SPAG16: variants seen among roughly 807,000 people sequenced by gnomAD.
SPAG16 encodes sperm associated antigen 16, also known as sperm-associated antigen 16 protein.
SPAG16 carries 86 observed loss-of-function variants against 80.4 expected under a neutral mutation model. The observed-to-expected ratio is 1.07, with a 90% CI of 0.90 to 1.28. The LOEUF (loss-of-function observed/expected upper bound fraction) is 1.28. Ranked by LOEUF, SPAG16 falls within the 50% of genes most tolerant of loss-of-function variation. The pLI is 0.00. For synonymous variants in SPAG16, 294 were observed against 265.9 expected (o/e 1.11, Z -1.03); for missense variants, 870 against 765.3 (o/e 1.14, Z -1.61).
intron 10 of SPAG16, among the ~76,000 whole-genome samples, chr2:213,576,908 G>A (rs1390026787): frequency 6.6e-6 from 1 of 152,002 alleles, no homozygotes; most frequent in African/African-American, 2.4e-5. Context: ...TTAATACGTG[G>A]GTGGCAAAAT....
intron 15 of SPAG16, among the ~76,000 whole-genome samples, chr2:214,342,877 A>G (rs1163496739): frequency 6.6e-6 from 1 of 152,188 alleles, no homozygotes; most frequent in Non-Finnish European, 1.5e-5. Context: ...ATTATCCATT[A>G]TTAGACTGAA....
At chr2:213,352,310 G>T (rs992512576) in intron 7 of SPAG16, among the ~76,000 whole-genome samples, 1 of 152,000 alleles carries the variant, frequency 6.6e-6, no homozygotes, top group Non-Finnish European at 1.5e-5. Context: ...CAAACCTTCA[G>T]AATTTCATAC....
intron 9 of SPAG16, among the ~76,000 whole-genome samples, chr2:213,407,970 A>G (rs2068748301): frequency 7.7e-6 from 1 of 130,398 alleles, no homozygotes; most frequent in Non-Finnish European, 1.8e-5. Context: ...GCAGAGAGAG[A>G]GACAGGAGAG....
At chr2:214,142,401 T>C (rs973331101) in intron 14 of SPAG16, among the ~76,000 whole-genome samples, 1 of 152,208 alleles carries the variant, frequency 6.6e-6, no homozygotes, top group African/African-American at 2.4e-5. Flanking sequence ...CTTCCAATTA[T>C]TGACTATATT....
intron 10 of SPAG16, among the ~76,000 whole-genome samples, chr2:213,777,351 A>T (rs2069662496): frequency 6.8e-6 from 1 of 146,202 alleles, no homozygotes; most frequent in African/African-American, 2.5e-5. Flanking sequence ...GGTTCAAGAG[A>T]TTCTCCCACC....
chr2:214,098,222 G>A (rs1378453119), intron 13 of SPAG16, among the ~76,000 whole-genome samples: 1 of 152,008 alleles, frequency 6.6e-6, no homozygotes, highest in Non-Finnish European at 1.5e-5. Flanking sequence ...TTTGCAACCA[G>A]TTAATGTTCT....
chr2:214,111,376 A>T (rs1348221927), intron 14 of SPAG16, among the ~76,000 whole-genome samples: 1 of 152,156 alleles, frequency 6.6e-6, no homozygotes, highest in Non-Finnish European at 1.5e-5. Context: ...AGCACCACTT[A>T]TTAAATAGGG....
At chr2:213,361,940 C>A (rs1414112913) in intron 7 of SPAG16, among the ~76,000 whole-genome samples, 1 of 151,962 alleles carries the variant, frequency 6.6e-6, no homozygotes, top group Non-Finnish European at 1.5e-5. Context: ...GGGAGACTGG[C>A]TTGGGGTTTT....
At chr2:213,680,274 G>T (rs1303687083) in intron 10 of SPAG16, among the ~76,000 whole-genome samples, 4 of 152,032 alleles carry the variant, frequency 2.6e-5, no homozygotes. Context: ...TTGTTTGGCT[G>T]GGGGACCTTA....
intron 15 of SPAG16, among the ~76,000 whole-genome samples, chr2:214,237,926 A>C (rs1382390762): frequency 6.6e-6 from 1 of 152,148 alleles, no homozygotes; most frequent in Non-Finnish European, 1.5e-5. Flanking sequence ...CATGTATAGA[A>C]ACCATGCTAT....
intron 10 of SPAG16, among the ~76,000 whole-genome samples, chr2:213,507,313 T>G (rs1481356214): frequency 1.3e-5 from 2 of 152,234 alleles, no homozygotes; most frequent in Non-Finnish European, 2.9e-5. Flanking sequence ...TTAAAGACCC[T>G]GTTCTTGTAC....
intron 11 of SPAG16, among the ~76,000 whole-genome samples, chr2:213,877,123 C>T (rs1391559298): frequency 6.6e-6 from 1 of 152,074 alleles, no homozygotes; most frequent in Non-Finnish European, 1.5e-5. Context: ...TTAACATGTA[C>T]TTTTTCTGCT....
At chr2:213,422,903 A>C (rs529774494) in intron 9 of SPAG16, among the ~76,000 whole-genome samples, 1 of 152,246 alleles carries the variant, frequency 6.6e-6, no homozygotes, top group Non-Finnish European at 1.5e-5. Context: ...TCCTTAGTCT[A>C]TGATGACAGC....
At chr2:213,614,696 T>A (rs147785307) in intron 10 of SPAG16, among the ~76,000 whole-genome samples, 1 of 152,362 alleles carries the variant, frequency 6.6e-6, no homozygotes, top group African/African-American at 2.4e-5. Flanking sequence ...GTGATTAATC[T>A]TCTTCTTTCA....
chr2:214,006,192 C>T (rs948879112), intron 12 of SPAG16, among the ~76,000 whole-genome samples: 2 of 152,110 alleles, frequency 1.3e-5, no homozygotes, highest in African/African-American at 4.8e-5. Flanking sequence ...CTATTAGCCA[C>T]ATTTTGTTGA....
intron 15 of SPAG16, among the ~76,000 whole-genome samples, chr2:214,257,834 G>A (rs566567260): frequency 6.6e-6 from 1 of 152,076 alleles, no homozygotes; most frequent in Admixed American, 6.6e-5. Context: ...AAAACCAACT[G>A]GGAAGTGTTC....
chr2:213,913,026 T>C (rs2077749952), intron 11 of SPAG16, among the ~76,000 whole-genome samples: 1 of 152,146 alleles, frequency 6.6e-6, no homozygotes, highest in Non-Finnish European at 1.5e-5. Flanking sequence ...AATGGCACTA[T>C]CTGTTTTTCT....
At chr2:213,318,436 T>C (rs1438234083) in intron 5 of SPAG16, among the ~76,000 whole-genome samples, 3 of 151,858 alleles carry the variant, frequency 2.0e-5, no homozygotes, top group Non-Finnish European at 4.4e-5. Flanking sequence ...CACTTATAAG[T>C]AGGAGCTAAG....
At chr2:213,290,529 T>C (rs2062228482) in intron 1 of SPAG16, among the ~76,000 whole-genome samples, 1 of 152,168 alleles carries the variant, frequency 6.6e-6, no homozygotes, top group African/African-American at 2.4e-5. Flanking sequence ...ATTTTGGAAC[T>C]GAAATTCACC....
Sources: gnomAD v4.1 joint callset for allele counts (sites outside exome capture counted in the v4.1 genomes callset) on GRCh38, gnomAD v4.1.1 for gene constraint, MANE v1.5 for transcripts, NCBI Gene and HGNC (gene_info 2026-07-23, HGNC 2026-07-21) for gene names.